CAMKMT: variants seen among roughly 807,000 people sequenced by gnomAD.
CAMKMT encodes the protein CaM KMT.
In CAMKMT, 53 loss-of-function variants were observed where a neutral mutation model predicts 48.0. That is an observed-to-expected ratio of 1.10 (90% confidence interval 0.89 to 1.39). The LOEUF is 1.39. Ranked by LOEUF, CAMKMT falls within the 40% of genes most tolerant of loss-of-function variation. The pLI, the probability that CAMKMT is intolerant of heterozygous loss-of-function variation, is 0.00. For missense variants in CAMKMT, 428 were observed against 402.7 expected (o/e 1.06, Z -0.54); for synonymous variants, 165 against 152.3 (o/e 1.08, Z -0.61).
intron 7 of CAMKMT, among the ~76,000 whole-genome samples, chr2:44,742,731 A>T (rs1446524791): frequency 6.6e-6 from 1 of 152,222 alleles, no homozygotes; most frequent in Non-Finnish European, 1.5e-5. Context: ...TTACATTCAG[A>T]CACATGACTT....
At chr2:44,482,429 T>C (rs1032929489) in intron 3 of CAMKMT, among the ~76,000 whole-genome samples, 1 of 152,158 alleles carries the variant, frequency 6.6e-6, no homozygotes, top group Non-Finnish European at 1.5e-5. Flanking sequence ...TGAGCATCTA[T>C]TGCTATTTTA....
At chr2:44,770,743 T>C (rs1300167087) in intron 10 of CAMKMT, among the ~76,000 whole-genome samples, 1 of 152,206 alleles carries the variant, frequency 6.6e-6, no homozygotes, top group Non-Finnish European at 1.5e-5. Flanking sequence ...TTAGACTAAA[T>C]AGTAAGGTTG....
At chr2:44,375,607 T>C (rs1436634909) in intron 2 of CAMKMT, among the ~76,000 whole-genome samples, 1 of 152,134 alleles carries the variant, frequency 6.6e-6, no homozygotes, top group African/African-American at 2.4e-5. Flanking sequence ...GATCTGGAAG[T>C]ACTTGAAAGT....
At chr2:44,572,207 T>G (rs950951320) in intron 3 of CAMKMT, among the ~76,000 whole-genome samples, 2 of 152,166 alleles carry the variant, frequency 1.3e-5, no homozygotes, top group Non-Finnish European at 2.9e-5. Context: ...GAATTTCTTT[T>G]TTAAAAAATT....
intron 3 of CAMKMT, among the ~76,000 whole-genome samples, chr2:44,466,141 G>C (rs570097273): frequency 1.3e-5 from 2 of 152,088 alleles, no homozygotes; most frequent in Non-Finnish European, 2.9e-5. Context: ...AAGATCATAA[G>C]GAAACAAAGG....
intron 2 of CAMKMT, among the ~76,000 whole-genome samples, chr2:44,378,110 A>G (rs778375191): frequency 2.8e-4 from 43 of 152,356 alleles, no homozygotes; most frequent in Non-Finnish European, 3.8e-4. Flanking sequence ...TGATTATAGC[A>G]ATAAAACAAC....
chr2:44,658,341 TTC>T (rs1674487031), intron 3 of CAMKMT, among the ~76,000 whole-genome samples: 1 of 152,202 alleles, frequency 6.6e-6, no homozygotes, highest in Non-Finnish European at 1.5e-5. Flanking sequence ...TGAATTTTAT[TTC>T]AGGAGAGCAA....
intron 3 of CAMKMT, among the ~76,000 whole-genome samples, chr2:44,546,038 T>C (rs1368298887): frequency 6.6e-6 from 1 of 152,110 alleles, no homozygotes; most frequent in Non-Finnish European, 1.5e-5. Flanking sequence ...TTAAAAATTT[T>C]ATGTAAGAGG....
chr2:44,456,787 A>G (rs1043875141), intron 3 of CAMKMT: 1 of 563,648 alleles, frequency 1.8e-6, no homozygotes, highest in African/African-American at 1.9e-5. Flanking sequence ...ATCATTAATC[A>G]GCTATCCTAT....
intron 7 of CAMKMT, among the ~76,000 whole-genome samples, chr2:44,722,636 T>G (rs543334333): frequency 6.6e-6 from 1 of 152,090 alleles, no homozygotes; most frequent in Non-Finnish European, 1.5e-5. Context: ...AAAAATGCAC[T>G]GCACTTGAAA....
chr2:44,694,706 A>G (rs2104233615), intron 3 of CAMKMT, among the ~76,000 whole-genome samples: 1 of 152,364 alleles, frequency 6.6e-6, no homozygotes, highest in South Asian at 2.1e-4. Flanking sequence ...TTGGCTGGCT[A>G]TAGGCTTTCT....
At chr2:44,425,946 G>A (rs1044569760) in intron 3 of CAMKMT, among the ~76,000 whole-genome samples, 10 of 152,194 alleles carry the variant, frequency 6.6e-5, no homozygotes, top group African/African-American at 1.7e-4. Context: ...GGTCAGGCTG[G>A]TCTCGAACTC....
chr2:44,561,760 C>T (rs1431716847), intron 3 of CAMKMT, among the ~76,000 whole-genome samples: 1 of 152,166 alleles, frequency 6.6e-6, no homozygotes, highest in Non-Finnish European at 1.5e-5. Context: ...ACCTTAAGAT[C>T]TGGTCACATT....
intron 3 of CAMKMT, among the ~76,000 whole-genome samples, chr2:44,589,151 G>A (rs1399543365): frequency 5.6e-5 from 3 of 53,802 alleles, no homozygotes; most frequent in Non-Finnish European, 7.8e-5. Flanking sequence ...TCAGCCCCCC[G>A]CCTGGCCAGC....
At chr2:44,522,533 C>T (rs1166887461) in intron 3 of CAMKMT, among the ~76,000 whole-genome samples, 4 of 152,158 alleles carry the variant, frequency 2.6e-5, no homozygotes, top group Non-Finnish European at 4.4e-5. Context: ...TACACATAGC[C>T]TTAAGATCTT....
At chr2:44,382,997 C>G (rs968545200) in intron 2 of CAMKMT, among the ~76,000 whole-genome samples, 2 of 152,092 alleles carry the variant, frequency 1.3e-5, no homozygotes, top group Admixed American at 1.3e-4. Context: ...AATCTGAGAT[C>G]AAGGTGTTGG....
chr2:44,664,869 G>A (rs1047654099), intron 3 of CAMKMT, among the ~76,000 whole-genome samples: 2 of 152,128 alleles, frequency 1.3e-5, no homozygotes, highest in Admixed American at 6.5e-5. Flanking sequence ...ATAGCCTTCA[G>A]AATGCAAGAA....
intron 3 of CAMKMT, among the ~76,000 whole-genome samples, chr2:44,594,974 C>G (rs891207492): frequency 1.3e-5 from 2 of 151,914 alleles, no homozygotes; most frequent in African/African-American, 2.4e-5. Flanking sequence ...AAAAAACAAC[C>G]CCATCAAAAA....
chr2:44,541,117 T>C (rs1369024348), intron 3 of CAMKMT, among the ~76,000 whole-genome samples: 1 of 152,244 alleles, frequency 6.6e-6, no homozygotes, highest in Non-Finnish European at 1.5e-5. Context: ...AGAAGCTTAA[T>C]GTTTTAATGA....
Sources: gnomAD v4.1 joint callset for allele counts (sites outside exome capture counted in the v4.1 genomes callset) on GRCh38, gnomAD v4.1.1 for gene constraint, MANE v1.5 for transcripts, NCBI Gene and HGNC (gene_info 2026-07-23, HGNC 2026-07-21) for gene names.